Variants in CSTPP1 observed in about 807,000 individuals in gnomAD.
The protein encoded by CSTPP1 is UPF0705 protein C11orf49.
chr11:46,936,894 C>A, the CSTPP1 span: 1 of 1,482,434 alleles, frequency 6.7e-7, no homozygotes, highest in South Asian at 1.3e-5. Flanking sequence ...GACGTGCAGA[C>A]GAATTAGGCC....
the CSTPP1 span, among the ~76,000 whole-genome samples, chr11:46,970,671 A>G: frequency 6.6e-6 from 1 of 152,146 alleles, no homozygotes; most frequent in Non-Finnish European, 1.5e-5. Context: ...GTGTACAACA[A>G]ATAACACAGA....
the CSTPP1 span, chr11:47,163,988 G>A: frequency 2.2e-6 from 3 of 1,333,548 alleles, no homozygotes; most frequent in Non-Finnish European, 3.1e-6. Flanking sequence ...CCCCAGTCAA[G>A]CCTACTGCCG....
chr11:47,035,255 A>G, the CSTPP1 span, among the ~76,000 whole-genome samples: 4 of 152,240 alleles, frequency 2.6e-5, no homozygotes, highest in Admixed American at 2.6e-4. Flanking sequence ...AAGCAATTCA[A>G]CTTTATCTTG....
At chr11:46,962,011 AAGG>A in the CSTPP1 span, among the ~76,000 whole-genome samples, 1 of 152,230 alleles carries the variant, frequency 6.6e-6, no homozygotes, top group African/African-American at 2.4e-5. Context: ...TGATAGGAGC[AAGG>A]AGAAGTGCTG....
chr11:47,157,879 C>T, the CSTPP1 span: 33 of 1,614,136 alleles, frequency 2.0e-5, no homozygotes, highest in African/African-American at 3.3e-4. Context: ...TCTATGGATT[C>T]CTCATGGCTC....
the CSTPP1 span, among the ~76,000 whole-genome samples, chr11:47,093,951 A>G: frequency 6.6e-6 from 1 of 152,250 alleles, no homozygotes; most frequent in Non-Finnish European, 1.5e-5. Context: ...TTAAACTCAT[A>G]GAAAAGTAAA....
chr11:46,938,493 C>A, the CSTPP1 span, among the ~76,000 whole-genome samples: 2 of 142,300 alleles, frequency 1.4e-5, no homozygotes, highest in African/African-American at 2.5e-5. Flanking sequence ...AGAATAGTTT[C>A]ACTGTCCTGA....
the CSTPP1 span, among the ~76,000 whole-genome samples, chr11:47,108,010 C>T: frequency 2.6e-5 from 4 of 152,246 alleles, no homozygotes; most frequent in South Asian, 2.1e-4. Context: ...CACACACAGA[C>T]GCTCAAAACC....
chr11:47,152,685 T>G, the CSTPP1 span, among the ~76,000 whole-genome samples: 1 of 152,154 alleles, frequency 6.6e-6, no homozygotes, highest in Non-Finnish European at 1.5e-5. Context: ...AAAACTGAAT[T>G]GTACGCTTTT....
At chr11:47,090,932 G>C in the CSTPP1 span, among the ~76,000 whole-genome samples, 2 of 151,028 alleles carry the variant, frequency 1.3e-5, no homozygotes, top group Non-Finnish European at 2.9e-5. Context: ...CCAGCTACTC[G>C]GGAGGCTGAG....
the CSTPP1 span, among the ~76,000 whole-genome samples, chr11:46,941,631 C>T: frequency 3.3e-5 from 5 of 152,242 alleles, no homozygotes; most frequent in Non-Finnish European, 5.9e-5. Flanking sequence ...TGAGCCACCA[C>T]GCCTGGCCAA....
the CSTPP1 span, among the ~76,000 whole-genome samples, chr11:47,028,720 T>C: frequency 2.0e-5 from 3 of 152,214 alleles, no homozygotes; most frequent in Non-Finnish European, 4.4e-5. Context: ...TGATAGGCAA[T>C]GGGAAGAAAA....
the CSTPP1 span, among the ~76,000 whole-genome samples, chr11:47,096,853 T>G: frequency 6.6e-6 from 1 of 152,008 alleles, no homozygotes; most frequent in Non-Finnish European, 1.5e-5. Context: ...TTTCCAAAGT[T>G]CAAAAGCAGA....
chr11:47,137,521 C>A, the CSTPP1 span: 4 of 1,544,946 alleles, frequency 2.6e-6, no homozygotes, highest in East Asian at 9.2e-5. Flanking sequence ...ATACCCTTCA[C>A]ACTGACTTGC....
chr11:46,986,589 AG>A, the CSTPP1 span, among the ~76,000 whole-genome samples: 7 of 151,952 alleles, frequency 4.6e-5, no homozygotes, highest in Non-Finnish European at 8.8e-5. Context: ...CTTCCTGAGT[AG>A]CTGGGATTAC....
the CSTPP1 span, among the ~76,000 whole-genome samples, chr11:47,086,330 C>T: frequency 1.3e-5 from 2 of 151,296 alleles, no homozygotes; most frequent in African/African-American, 4.9e-5. Context: ...CCCTTGAACC[C>T]GGGAGGCAGC....
the CSTPP1 span, among the ~76,000 whole-genome samples, chr11:47,068,909 G>A: frequency 6.6e-6 from 1 of 152,128 alleles, no homozygotes. Context: ...GACCAGAGCA[G>A]ATAATAATTT....
the CSTPP1 span, among the ~76,000 whole-genome samples, chr11:46,965,127 AAATGTTACTAT>A: frequency 6.6e-6 from 1 of 152,136 alleles, no homozygotes; most frequent in Admixed American, 6.6e-5. Flanking sequence ...AATACTTTCA[AAATGTTACTAT>A]ATTTGAATTT....
chr11:47,162,745 CA>C, the CSTPP1 span, among the ~76,000 whole-genome samples: 1 of 152,298 alleles, frequency 6.6e-6, no homozygotes, highest in East Asian at 1.9e-4. Context: ...CCAAGCAGAA[CA>C]GGACTGCCTC....
Sources: allele counts gnomAD v4.1 joint callset (sites outside exome capture counted in the v4.1 genomes callset), GRCh38; gene constraint gnomAD v4.1.1; transcripts MANE v1.5; gene names NCBI Gene and HGNC (gene_info 2026-07-23, HGNC 2026-07-21).